Variants in SAMD12 observed in about 807,000 individuals in gnomAD.
SAMD12 encodes sterile alpha motif domain-containing protein 12.
Under a neutral mutation model 15.0 loss-of-function variants are expected in SAMD12, and 9 were observed. The ratio of observed to expected loss-of-function variants is 0.60; its 90% CI spans 0.36 to 1.05. SAMD12 has a LOEUF of 1.05. SAMD12 is among the 50% of genes least tolerant of loss of function. SAMD12 has a pLI of 0.01. For missense variants in SAMD12, 230 were observed against 234.2 expected (o/e 0.98, Z 0.12); for synonymous variants, 86 against 90.1 (o/e 0.96, Z 0.25).
At chr8:118,577,741 A>G (rs1318015725) in intron 2 of SAMD12, among the ~76,000 whole-genome samples, 1 of 152,164 alleles carries the variant, frequency 6.6e-6, no homozygotes, top group East Asian at 1.9e-4. Context: ...ACCTTACCAG[A>G]AGGCTCTACA....
intron 4 of SAMD12, among the ~76,000 whole-genome samples, chr8:118,329,305 T>C (rs909149495): frequency 1.3e-5 from 2 of 152,198 alleles, no homozygotes; most frequent in Admixed American, 1.3e-4. Context: ...GGTTTAATTT[T>C]TACTTTTAGG....
intron 2 of SAMD12, among the ~76,000 whole-genome samples, chr8:118,475,767 T>C (rs947385162): frequency 6.6e-6 from 1 of 152,214 alleles, no homozygotes; most frequent in Admixed American, 6.5e-5. Flanking sequence ...TAGAAGCCTT[T>C]TGGGAAAATC....
chr8:118,334,099 A>C (rs959240660), intron 4 of SAMD12, among the ~76,000 whole-genome samples: 12 of 152,208 alleles, frequency 7.9e-5, no homozygotes, highest in African/African-American at 2.9e-4. Context: ...TCCCACAGTT[A>C]GAAATATAAA....
intron 1 of SAMD12, among the ~76,000 whole-genome samples, chr8:118,587,224 T>C (rs557342840): frequency 2.6e-5 from 4 of 152,370 alleles, no homozygotes; most frequent in South Asian, 4.1e-4. Context: ...CTGAAGGAGA[T>C]GGTCCTTCTT....
At chr8:118,175,249 C>T in the SAMD12 span, among the ~76,000 whole-genome samples, 8 of 152,234 alleles carry the variant, frequency 5.3e-5, no homozygotes, top group African/African-American at 1.7e-4. Context: ...AAAGGACTCC[C>T]TATTTAATAA....
intron 2 of SAMD12, among the ~76,000 whole-genome samples, chr8:118,472,916 A>G (rs528191047): frequency 1.3e-5 from 2 of 152,176 alleles, no homozygotes; most frequent in East Asian, 3.9e-4. Context: ...ATTGTCTCAA[A>G]ATGGTCTGTC....
At chr8:118,248,280 T>A (rs1242526773) in intron 4 of SAMD12, among the ~76,000 whole-genome samples, 2 of 152,192 alleles carry the variant, frequency 1.3e-5, no homozygotes, top group Non-Finnish European at 2.9e-5. Context: ...AATATAGGGA[T>A]CATGTGGTGT....
At chr8:118,251,692 ATTTGG>A (rs1180314992) in intron 4 of SAMD12, among the ~76,000 whole-genome samples, 3 of 152,142 alleles carry the variant, frequency 2.0e-5, no homozygotes, top group Non-Finnish European at 4.4e-5. Flanking sequence ...TCCAGCAACC[ATTTGG>A]TTTGCAGGCT....
chr8:118,243,379 T>C (rs1241422188), intron 4 of SAMD12, among the ~76,000 whole-genome samples: 1 of 152,102 alleles, frequency 6.6e-6, no homozygotes, highest in Non-Finnish European at 1.5e-5. Context: ...AAAAATGGTA[T>C]GCCATGAATC....
Position 118,379,007 on chromosome 8 carries a change from A to AGT in SAMD12, c.*408_*409dup, listed in dbSNP as rs562027980. On this transcript the variant is annotated 3_prime_UTR_variant, in exon 4 of 4. Transcript: ENST00000314727. Reference sequence around the variant, plus strand: ...TAAATGGGGTTCTTACAATCTCTAAAGTGTGTGTGTATAATACATTCATGT... The same window carrying AGT: ...TAAATGGGGTTCTTACAATCTCTAAAGTGTGTGTGTGTATAATACATTCATGT... The AGT allele has an allele frequency of 5.1e-6, 5 of 985,114 alleles. No individual in the cohort carries two copies. The highest frequency in any genetic ancestry group is 6.1e-6 in the Non-Finnish European group (5 of 825,540). 61.0% of individuals were successfully genotyped at this position (985,114 alleles called of 1,614,324 possible).
At chr8:118,516,211 T>C (rs1321344388) in intron 2 of SAMD12, among the ~76,000 whole-genome samples, 1 of 152,284 alleles carries the variant, frequency 6.6e-6, no homozygotes, top group African/African-American at 2.4e-5. Context: ...TCCTTACCTG[T>C]ATCACACACT....
chr8:118,585,520 C>T (rs1025645439), intron 1 of SAMD12, among the ~76,000 whole-genome samples: 2 of 152,186 alleles, frequency 1.3e-5, no homozygotes, highest in African/African-American at 4.8e-5. Flanking sequence ...TCCCTAATAC[C>T]TCCATAAATG....
intron 3 of SAMD12, among the ~76,000 whole-genome samples, chr8:118,403,842 G>A (rs1034088083): frequency 3.9e-5 from 6 of 152,140 alleles, no homozygotes; most frequent in Non-Finnish European, 7.4e-5. Context: ...AAAAAAGAGC[G>A]ATTAACTTGA....
chr8:118,243,503 C>A (rs762736442), intron 4 of SAMD12, among the ~76,000 whole-genome samples: 33 of 152,050 alleles, frequency 2.2e-4, no homozygotes, highest in Non-Finnish European at 3.2e-4. Flanking sequence ...CACATATACA[C>A]TTGAAAGATC....
intron 4 of SAMD12, among the ~76,000 whole-genome samples, chr8:118,366,900 AAAATAAAATAAAAT>A (rs1238105695): frequency 0.021 from 2,071 of 96,424 alleles, 42 homozygotes; most frequent in East Asian, 0.032. Context: ...AAAATAAAAT[AAAATAAAATAAAAT>A]AAAAATGAAC....
intron 3 of SAMD12, among the ~76,000 whole-genome samples, chr8:118,401,695 C>A (rs1251146746): frequency 6.6e-6 from 1 of 151,860 alleles, no homozygotes; most frequent in Non-Finnish European, 1.5e-5. Flanking sequence ...TGTAAAAGAT[C>A]AAAAAATTTA....
intron 4 of SAMD12, among the ~76,000 whole-genome samples, chr8:118,351,300 T>G (rs1324689755): frequency 6.6e-6 from 1 of 152,154 alleles, no homozygotes; most frequent in Non-Finnish European, 1.5e-5. Flanking sequence ...GGGACGTACC[T>G]CTCAACTCTG....
chr8:118,523,172 T>C (rs900809151), intron 2 of SAMD12, among the ~76,000 whole-genome samples: 4 of 152,032 alleles, frequency 2.6e-5, no homozygotes, highest in African/African-American at 9.7e-5. Context: ...GCTCTGGGAG[T>C]CACAAACCTT....
intron 4 of SAMD12, among the ~76,000 whole-genome samples, chr8:118,364,423 A>G (rs1267534378): frequency 6.6e-6 from 1 of 152,166 alleles, no homozygotes; most frequent in Non-Finnish European, 1.5e-5. Context: ...AAGATAGGAT[A>G]CCTTTAGGAA....
Sources: allele counts gnomAD v4.1 joint callset (sites outside exome capture counted in the v4.1 genomes callset), GRCh38; gene constraint gnomAD v4.1.1; transcripts MANE v1.5; gene names NCBI Gene and HGNC (gene_info 2026-07-23, HGNC 2026-07-21).